The following ZIC2 variants were observed in gnomAD, a reference collection of about 807,000 sequenced individuals.
The protein encoded by ZIC2 is zinc finger protein ZIC 2.
A neutral mutation model predicts 29.5 loss-of-function variants in ZIC2; 7 were observed. The ratio of observed to expected loss-of-function variants is 0.24; its 90% CI spans 0.14 to 0.45. ZIC2 has a LOEUF of 0.45. Ranked by LOEUF, ZIC2 falls within the 20% of genes least tolerant of loss-of-function variation. ZIC2 has a pLI of 1.00. For synonymous variants in ZIC2, 408 were observed against 354.2 expected (o/e 1.15, Z -1.70); for missense variants, 589 against 781.2 (o/e 0.75, Z 2.93).
At position 99,983,540 on chromosome 13, in the gene ZIC2, T is replaced by C. The variant is rs2053247247; in HGVS notation, c.1075+401T>C. Among the ~76,000 whole-genome samples, 1 of 152,092 alleles carries C rather than the reference T, an allele frequency of 6.6e-6. No individual in the cohort carries two copies. The highest frequency in any genetic ancestry group is 2.4e-5 in the African/African-American group (1 of 41,414). ...AATGTGCTTTTCTGCTCGGAGTGTATGTCTGTCTGAGTGGTTTGTGTGTTT... is the reference window on the plus strand; with the variant it reads ...AATGTGCTTTTCTGCTCGGAGTGTACGTCTGTCTGAGTGGTTTGTGTGTTT... On this transcript the variant is annotated intron_variant, in intron 1 of 2. Coordinates refer to ENST00000376335, the MANE Select transcript of ZIC2 (RefSeq NM_007129.5). This position sits in a 1 kb window ranked among gnomAD's most constrained non-coding sequence, Gnocchi z 4.7.
In ZIC2 at chr13:99,984,983, C is replaced by T. The variant is rs2053256413; in HGVS notation, c.1113C>T (p.Asp371=). 6 of 1,614,162 alleles carry T rather than the reference C, an allele frequency of 3.7e-6. No individual in the cohort carries two copies. The highest frequency in any genetic ancestry group is 5.1e-6 in the Non-Finnish European group (6 of 1,179,998). Residue 371 remains aspartate, a synonymous_variant, in exon 2 of 3, where the codon GAC becomes GAT. Transcript: ENST00000376335. ...TCCAGTGTGAGTTTGAGGGCTGCGA[C>T]CGGCGCTTCGCCAACAGCAGCGACA... ...KPFQCEFEGC[D]RRFANSSDRK... is the part of the protein sequence containing the mutation.
At position 99,985,478 on chromosome 13, in the gene ZIC2, GGCGGCGGCGGCC is replaced by G; in HGVS notation, c.1400_1411del (p.Ala467_Ala470del). The G allele has an allele frequency of 7.9e-7, 1 of 1,266,674 alleles. No homozygotes were observed. The highest frequency in any genetic ancestry group is 2.8e-5 in the South Asian group (1 of 36,298). The allele number at this position is 1,266,674 out of a possible 1,614,324, so 78.5% of individuals were successfully genotyped here. A position where few individuals can be genotyped will look rare whatever the true frequency, so the allele number is the denominator to read the frequency against. The stretch of plus-strand genomic sequence containing the variant: ...CGGCGGCAGCGGCGGCGGCGGCTGC[GGCGGCGGCGGCC>G]GCGGTGTCCGCGGTGCACCGGGGCG... On this transcript the variant is annotated inframe_deletion, in exon 3 of 3. Coordinates refer to ENST00000376335, the MANE Select transcript of ZIC2 (RefSeq NM_007129.5). This position sits in a 1 kb window ranked among gnomAD's most constrained non-coding sequence, Gnocchi z 6.3.
Position 99,982,212 on chromosome 13 carries a change from G to C in ZIC2, c.148G>C (p.Val50Leu). 1 of 1,507,640 alleles carries C rather than the reference G, an allele frequency of 6.6e-7. No individual in the cohort carries two copies. The highest frequency in any genetic ancestry group is 8.8e-7 in the Non-Finnish European group (1 of 1,134,714). 93.4% of individuals were successfully genotyped at this position (1,507,640 alleles called of 1,614,324 possible). The change falls in exon 1 of 3, where the codon GTT becomes CTT. Residue 50 changes from valine (V) to leucine (L), a missense_variant. Physicochemically the swap from Val to Leu is conservative, Grantham distance 32. Coordinates refer to ENST00000376335, the MANE Select transcript of ZIC2 (RefSeq NM_007129.5). ...CCTGGCGGCGGCGCAGAACGGCTTC[G>C]TTGACTCCGCCGCCGCGCACATGGG... ...LSLAAAQNGF[V>L]DSAAAHMGAF...
Position 99,985,249 on chromosome 13 carries a change from A to G in ZIC2, c.1240-74A>G, listed in dbSNP as rs1385555759. On this transcript the variant is annotated intron_variant, in intron 2 of 2. Transcript: ENST00000376335. The surrounding 1 kb of genome is among the most constrained non-coding windows in gnomAD (Gnocchi z 6.3). ...AACATTTCTGGGGGTGCTCTCCCCC[A>G]GGGGCCCGGCCCCACAGCAGCTGCA... is the stretch of plus-strand genomic sequence containing the variant. 2 of 1,602,410 alleles carry G rather than the reference A, an allele frequency of 1.2e-6. No homozygotes were observed. The highest frequency in any genetic ancestry group is 2.2e-5 in the East Asian group (1 of 44,678).
chr13:99,983,246 G>A lies in ZIC2; in HGVS notation c.1075+107G>A. 3 of 1,442,294 alleles carry A rather than the reference G, an allele frequency of 2.1e-6. No individual in the cohort carries two copies. The highest frequency in any genetic ancestry group is 2.8e-6 in the Non-Finnish European group (3 of 1,074,500). The allele number at this position is 1,442,294 out of a possible 1,614,324, so 89.3% of individuals were successfully genotyped here. A position where few individuals can be genotyped will look rare whatever the true frequency, so the allele number is the denominator to read the frequency against. ...GGCGCAGACCGCCAGCCGGGGACCT[G>A]GGATGGGAGGTGTTTTTGCGTGTAC... On this transcript the variant is annotated intron_variant, in intron 1 of 2. Coordinates refer to ENST00000376335, the MANE Select transcript of ZIC2 (RefSeq NM_007129.5). The surrounding 1 kb of genome is among the most constrained non-coding windows in gnomAD (Gnocchi z 4.7).
rs1215303020 is a variant in ZIC2, at chr13:99,985,478, G to A, written c.1395G>A (p.Ala465=). 3.2e-6 allele frequency: 4 copies of A among 1,266,672 alleles called. No individual in the cohort carries two copies. Among genetic ancestry groups the A allele is most frequent in the South Asian group, 2.8e-5 (1 of 36,296 alleles). 78.5% of individuals were successfully genotyped at this position (1,266,672 alleles called of 1,614,324 possible). ...PAAAAAAAAA[A]AAAAAVSAVH... Reference sequence around the variant, plus strand: ...CGGCGGCAGCGGCGGCGGCGGCTGCGGCGGCGGCGGCCGCGGTGTCCGCGG... The same window carrying A: ...CGGCGGCAGCGGCGGCGGCGGCTGCAGCGGCGGCGGCCGCGGTGTCCGCGG... Residue 465 remains alanine (A), a synonymous_variant, in exon 3 of 3, where the codon GCG becomes GCA. Transcript: ENST00000376335. The surrounding 1 kb of genome is among the most constrained non-coding windows in gnomAD (Gnocchi z 6.3).
Position 99,985,589 on chromosome 13 carries a change from GGGCGGCGGGGGC to G in ZIC2, c.1513_1524del (p.Gly505_Gly508del). On this transcript the variant is annotated inframe_deletion, in exon 3 of 3. Transcript: ENST00000376335. The surrounding 1 kb of genome is among the most constrained non-coding windows in gnomAD (Gnocchi z 6.3). ...GCAGTGGCGGGGGCGGCGGCGGGGC[GGGCGGCGGGGGC>G]GGCGGCAGCTCTGGCGGGGGCAGCG... The G allele has an allele frequency of 9.8e-7, 1 of 1,015,764 alleles. No homozygotes were observed. The highest frequency in any genetic ancestry group is 1.2e-6 in the Non-Finnish European group (1 of 851,396). 62.9% of individuals were successfully genotyped at this position (1,015,764 alleles called of 1,614,324 possible).
In ZIC2 at chr13:99,986,567, T is replaced by C; in HGVS notation, c.*885T>C. The C allele has an allele frequency of 6.5e-6, 1 of 153,184 alleles. No homozygotes were observed. The highest frequency in any genetic ancestry group is 1.9e-4 in the East Asian group (1 of 5,208). 9.5% of individuals were successfully genotyped at this position (153,184 alleles called of 1,614,324 possible). A position where few individuals can be genotyped will look rare whatever the true frequency, so the allele number is the denominator to read the frequency against. On this transcript the variant is annotated 3_prime_UTR_variant, in exon 3 of 3. Coordinates refer to ENST00000376335, the MANE Select transcript of ZIC2 (RefSeq NM_007129.5). The stretch of plus-strand genomic sequence containing the variant: ...AAATACCCGTTACCATATTTATCCA[T>C]TTGTAATTAAATTATGGTATTAACT...
At position 99,982,185 on chromosome 13, in the gene ZIC2, A is replaced by G; in HGVS notation, c.121A>G (p.Ser41Gly). 6.7e-7 allele frequency: 1 copy of G among 1,484,420 alleles called. No homozygotes were observed. The allele number at this position is 1,484,420 out of a possible 1,614,324, so 92.0% of individuals were successfully genotyped here. A position where few individuals can be genotyped will look rare whatever the true frequency, so the allele number is the denominator to read the frequency against. Reference protein sequence around the residue: ...AAAEMQDRELSLAAAQNGFVD... With the variant: ...AAAEMQDRELGLAAAQNGFVD... ...CGCCGAGATGCAGGACCGTGAACTG[A>G]GCCTGGCGGCGGCGCAGAACGGCTT... is the stretch of plus-strand genomic sequence containing the variant. Residue 41 changes from serine to glycine, a missense_variant, in exon 1 of 3, where the codon AGC (serine) becomes GGC (glycine). Physicochemically the swap from Ser to Gly is moderately conservative, Grantham distance 56 (BLOSUM62 0). Transcript: ENST00000376335.
chr13:99,985,147 C>T lies in ZIC2; in HGVS notation c.1239+38C>T. ...CGGCCGGGAGGAGGGCGAGGCAGGC[C>T]GAGGCGCCGGTGCAGCACTGGCCCG... On this transcript the variant is annotated intron_variant, in intron 2 of 2. Coordinates refer to ENST00000376335, the MANE Select transcript of ZIC2 (RefSeq NM_007129.5). This position sits in a 1 kb window ranked among gnomAD's most constrained non-coding sequence, Gnocchi z 6.3. 6.2e-7 allele frequency: 1 copy of T among 1,613,302 alleles called. No homozygotes were observed. Among genetic ancestry groups the T allele is most frequent in the Non-Finnish European group, 8.5e-7 (1 of 1,179,608 alleles).
rs1321671892 is a variant in ZIC2 at position 99,985,557 on chromosome 13, G to A, written c.1474G>A (p.Gly492Ser). ...CGGCGCGGGAGGCGGCTCAGGCGGC[G>A]GCAGCGGCAGTGGCGGGGGCGGCGG... The part of the protein sequence containing the change: ...SGGAGGGSGG[G>S]SGSGGGGGGA... Residue 492 changes from glycine to serine, a missense_variant, in exon 3 of 3, where the codon GGC becomes AGC. This residue lies in a region of ZIC2 where 135 missense variants were observed against 136.7 expected (regional missense o/e 0.99). Coordinates refer to ENST00000376335, the MANE Select transcript of ZIC2 (RefSeq NM_007129.5). This position sits in a 1 kb window ranked among gnomAD's most constrained non-coding sequence, Gnocchi z 6.3. 8 of 993,936 alleles carry A rather than the reference G, an allele frequency of 8.0e-6. No individual in the cohort carries two copies. The highest frequency in any genetic ancestry group is 1.8e-5 in the African/African-American group (1 of 56,522). The allele number at this position is 993,936 out of a possible 1,614,324, so 61.6% of individuals were successfully genotyped here.
chr13:99,981,876 C>T lies in ZIC2; in HGVS notation c.-189C>T. The stretch of plus-strand genomic sequence containing the variant: ...CGCGCCTTCGCTACGCGCCCGGCCG[C>T]CCGAGGCAGATCCAGGCGGCGGCGG... On this transcript the variant is annotated 5_prime_UTR_variant, in exon 1 of 3. Coordinates refer to ENST00000376335, the MANE Select transcript of ZIC2 (RefSeq NM_007129.5). 1.6e-6 allele frequency: 2 copies of T among 1,212,412 alleles called. No individual in the cohort carries two copies. Among genetic ancestry groups the T allele is most frequent in the Non-Finnish European group, 2.2e-6 (2 of 924,324 alleles). The allele number at this position is 1,212,412 out of a possible 1,614,324, so 75.1% of individuals were successfully genotyped here.
chr13:99,981,805 T>A lies in ZIC2; in HGVS notation c.-260T>A, dbSNP rs1279195422. 85 of 502,002 alleles carry A rather than the reference T, an allele frequency of 1.7e-4. No individual in the cohort carries two copies. The highest frequency in any genetic ancestry group is 2.6e-4 in the South Asian group (13 of 50,948). 31.1% of individuals were successfully genotyped at this position (502,002 alleles called of 1,614,324 possible). On this transcript the variant is annotated 5_prime_UTR_variant, in exon 1 of 3. Coordinates refer to ENST00000376335, the MANE Select transcript of ZIC2 (RefSeq NM_007129.5). ...CTTTGGACTCTTCTCCTCCTCCACCTCCTCCTCCTCCTCCCGCGCCGCCGC... is the reference window on the plus strand; with the variant it reads ...CTTTGGACTCTTCTCCTCCTCCACCACCTCCTCCTCCTCCCGCGCCGCCGC...
rs778594273 is a variant in ZIC2, at chr13:99,985,688, C to T, written c.*6C>T. 4.5e-6 allele frequency: 6 copies of T among 1,342,140 alleles called. No individual in the cohort carries two copies. In the African/African-American group the frequency reaches 4.6e-5, roughly 10 times the overall value. The allele number at this position is 1,342,140 out of a possible 1,614,324, so 83.1% of individuals were successfully genotyped here. On this transcript the variant is annotated 3_prime_UTR_variant, in exon 3 of 3. Coordinates refer to ENST00000376335, the MANE Select transcript of ZIC2 (RefSeq NM_007129.5). The surrounding 1 kb of genome is among the most constrained non-coding windows in gnomAD (Gnocchi z 6.3). Reference sequence around the variant, plus strand: ...TCAATGAATGGTACGTGTGACGGGTCGGGGCCTCTCTCCCTCTCCCTGTCC... The same window carrying T: ...TCAATGAATGGTACGTGTGACGGGTTGGGGCCTCTCTCCCTCTCCCTGTCC...
chr13:99,985,554 GGCGGCA>G lies in ZIC2; in HGVS notation c.1479_1484del (p.Ser495_Gly496del). On this transcript the variant is annotated inframe_deletion, in exon 3 of 3. Coordinates refer to ENST00000376335, the MANE Select transcript of ZIC2 (RefSeq NM_007129.5). The surrounding 1 kb of genome is among the most constrained non-coding windows in gnomAD (Gnocchi z 6.3). ...TGGCGGCGCGGGAGGCGGCTCAGGC[GGCGGCA>G]GCGGCAGTGGCGGGGGCGGCGGCGG... 1 of 994,982 alleles carries G rather than the reference GGCGGCA, an allele frequency of 1.0e-6. No homozygotes were observed. Among genetic ancestry groups the G allele is most frequent in the Non-Finnish European group, 1.2e-6 (1 of 838,232 alleles). 61.6% of individuals were successfully genotyped at this position (994,982 alleles called of 1,614,324 possible).
chr13:99,985,616 C>T lies in ZIC2; in HGVS notation c.1533C>T (p.Gly511=), dbSNP rs1178610261. 6.7e-6 allele frequency: 6 copies of T among 901,818 alleles called. No individual in the cohort carries two copies. The highest frequency in any genetic ancestry group is 8.6e-6 in the Non-Finnish European group (6 of 700,998). 55.9% of individuals were successfully genotyped at this position (901,818 alleles called of 1,614,324 possible). ...GCGGCGGGGGCGGCGGCAGCTCTGG[C>T]GGGGGCAGCGGGACAGCCGGGGGTC... The part of the protein sequence containing the change: ...GAGGGGGGSS[G]GGSGTAGGHS... The change falls in exon 3 of 3, where the codon GGC becomes GGT. Residue 511 remains glycine (G), a synonymous_variant. Transcript: ENST00000376335. The surrounding 1 kb of genome is among the most constrained non-coding windows in gnomAD (Gnocchi z 6.3).
chr13:99,983,315 T>A lies in ZIC2; in HGVS notation c.1075+176T>A, dbSNP rs191261803. Among the ~76,000 whole-genome samples the A allele has an allele frequency of 4.6e-5, 7 of 152,348 alleles. No individual in the cohort carries two copies. The highest frequency in any genetic ancestry group is 3.4e-3 in the Middle Eastern group (1 of 294). Reference sequence around the variant, plus strand: ...TTTCTGTTGGACGATGACAATATTATTGGGCTAGGTTTTTCCATGTGCGGA... The same window carrying A: ...TTTCTGTTGGACGATGACAATATTAATGGGCTAGGTTTTTCCATGTGCGGA... On this transcript the variant is annotated intron_variant, in intron 1 of 2. Transcript: ENST00000376335. The surrounding 1 kb of genome is among the most constrained non-coding windows in gnomAD (Gnocchi z 4.7).
At position 99,985,300 on chromosome 13, in the gene ZIC2, C is replaced by G; in HGVS notation, c.1240-23C>G. 2 of 1,599,100 alleles carry G rather than the reference C, an allele frequency of 1.3e-6. No homozygotes were observed. Among genetic ancestry groups the G allele is most frequent in the East Asian group, 2.2e-5 (1 of 44,822 alleles). On this transcript the variant is annotated intron_variant, in intron 2 of 2. Transcript: ENST00000376335. This position sits in a 1 kb window ranked among gnomAD's most constrained non-coding sequence, Gnocchi z 6.3. ...CTCACACCCAGTCCCCTCTGGTCCC[C>G]CCTCCCGGCTTTTGTCTTGCAGGTC...
At position 99,982,862 on chromosome 13, in the gene ZIC2, G is replaced by A; in HGVS notation, c.798G>A (p.Leu266=). The part of the protein sequence containing the change: ...LICKWIDPEQ[L]SNPKKSCNKT... ...GCAAGTGGATCGACCCCGAGCAACT[G>A]AGCAATCCCAAGAAGAGCTGCAACA... The change falls in exon 1 of 3, where the codon CTG becomes CTA. Residue 266 remains leucine, a synonymous_variant. Coordinates refer to ENST00000376335, the MANE Select transcript of ZIC2 (RefSeq NM_007129.5). 1 of 1,613,602 alleles carries A rather than the reference G, an allele frequency of 6.2e-7. No individual in the cohort carries two copies. The highest frequency in any genetic ancestry group is 8.5e-7 in the Non-Finnish European group (1 of 1,180,032).
Sources: allele counts gnomAD v4.1 joint callset (sites outside exome capture counted in the v4.1 genomes callset), GRCh38; gene constraint gnomAD v4.1.1; regional missense constraint gnomAD v4.1.1; non-coding constraint Gnocchi (gnomAD v3.1); transcripts MANE v1.5; gene names NCBI Gene and HGNC (gene_info 2026-07-23, HGNC 2026-07-21).